The following MTFR1 variants were observed in gnomAD, a reference collection of about 807,000 sequenced individuals.
MTFR1 encodes chondrocyte protein with a poly-proline region.
Under a neutral mutation model 38.8 loss-of-function variants are expected in MTFR1, and 28 were observed. The ratio of observed to expected loss-of-function variants is 0.72; its 90% CI spans 0.53 to 0.99. The LOEUF is 0.99. Among genes scored for constraint, MTFR1 ranks in the 50% least tolerant of loss-of-function variants. The pLI is 0.00. For missense variants in MTFR1, 358 were observed against 395.5 expected, an observed-to-expected ratio of 0.91 and a Z score of 0.81; for synonymous variants, 145 against 137.0, an observed-to-expected ratio of 1.06 and a Z score of -0.41.
chr8:65,672,752 TTA>T (rs1412270673), intron 2 of MTFR1, among the ~76,000 whole-genome samples: 11 of 152,164 alleles, frequency 7.2e-5, no homozygotes, highest in African/African-American at 2.4e-4. Flanking sequence ...CACTTTTATG[TTA>T]TAGAGATGGC....
At chr8:65,764,681 C>T (rs999634478) in intron 3 of MTFR1, among the ~76,000 whole-genome samples, 8 of 152,148 alleles carry the variant, frequency 5.3e-5, no homozygotes, top group South Asian at 2.1e-4. Context: ...ACAATATAAT[C>T]AGTACGATAT....
At chr8:65,649,524 T>A (rs13259357) in intron 1 of MTFR1, among the ~76,000 whole-genome samples, 47,312 of 151,920 alleles carry the variant, frequency 0.31, 9,728 homozygotes, top group Non-Finnish European at 0.47. Context: ...ACATAATAGG[T>A]ATATGTATTT....
intron 3 of MTFR1, among the ~76,000 whole-genome samples, chr8:65,729,882 T>G (rs1180748704): frequency 6.6e-6 from 1 of 152,082 alleles, no homozygotes; most frequent in Non-Finnish European, 1.5e-5. Context: ...TGAAGACAGA[T>G]TCTTGACACA....
chr8:65,712,661 C>T (rs892188141), downstream of MTFR1, among the ~76,000 whole-genome samples: 3 of 152,138 alleles, frequency 2.0e-5, no homozygotes, highest in African/African-American at 4.8e-5. Context: ...TGCCTAAGGA[C>T]CCAAACCTAG....
At chr8:65,766,096 C>T (rs1808767684) in intron 3 of MTFR1, among the ~76,000 whole-genome samples, 1 of 152,140 alleles carries the variant, frequency 6.6e-6, no homozygotes, top group Admixed American at 6.5e-5. Context: ...CAGGCGCCCG[C>T]CACCACGCCC....
rs959803483 is a variant in MTFR1, at chr8:65,651,707, G to A, written c.-81+6923G>A. Among the ~76,000 whole-genome samples, 14 of 152,172 alleles carry A rather than the reference G, an allele frequency of 9.2e-5. No homozygotes were observed. In the Middle Eastern group the frequency reaches 0.01, roughly 111 times the overall value. On this transcript the variant is annotated intron_variant, in intron 1 of 7. Coordinates refer to ENST00000262146, the MANE Select transcript of MTFR1 (RefSeq NM_014637.4). ...ATGTTGTCTCGGTTACTATAGCCCT[G>A]TAGTATAATTTGAAGTCCAGTTTTT...
intron 1 of MTFR1, among the ~76,000 whole-genome samples, chr8:65,650,011 G>A (rs906514582): frequency 6.6e-6 from 1 of 150,634 alleles, no homozygotes; most frequent in Non-Finnish European, 1.5e-5. Context: ...GCTGATTTTT[G>A]TATTTTTAGT....
At chr8:65,767,396 G>T (rs1167856895) in intron 3 of MTFR1, among the ~76,000 whole-genome samples, 1 of 152,202 alleles carries the variant, frequency 6.6e-6, no homozygotes, top group African/African-American at 2.4e-5. Flanking sequence ...TAATGGGAGT[G>T]TAGTATTATG....
intron 1 of MTFR1, among the ~76,000 whole-genome samples, chr8:65,655,070 T>A (rs1809219369): frequency 6.6e-6 from 1 of 152,214 alleles, no homozygotes; most frequent in South Asian, 2.1e-4. Flanking sequence ...GAATAGTGTT[T>A]TCAAAAGATT....
At chr8:65,767,565 A>T (rs567250068) in intron 3 of MTFR1, among the ~76,000 whole-genome samples, 1 of 152,148 alleles carries the variant, frequency 6.6e-6, no homozygotes, top group South Asian at 2.1e-4. Flanking sequence ...GGCCTTTCTG[A>T]CTGTGAGTCT....
chr8:65,674,251 C>T (rs1804648366), intron 2 of MTFR1, among the ~76,000 whole-genome samples: 1 of 151,732 alleles, frequency 6.6e-6, no homozygotes, highest in Admixed American at 6.6e-5. Context: ...GAATTTGATA[C>T]TGTGCTTTAA....
downstream of MTFR1, chr8:65,714,292 G>C (rs577480159): frequency 5.3e-5 from 8 of 151,566 alleles, no homozygotes; most frequent in African/African-American, 1.7e-4. Context: ...TAATCTCTTA[G>C]TAATAAATCG....
chr8:65,760,443 G>C (rs1808434050), intron 3 of MTFR1, among the ~76,000 whole-genome samples: 1 of 152,078 alleles, frequency 6.6e-6, no homozygotes, highest in Non-Finnish European at 1.5e-5. Context: ...CAACCTAATA[G>C]ATTCCCTTAG....
chr8:65,679,645 A>G (rs917700271), intron 2 of MTFR1: 2 of 152,332 alleles, frequency 1.3e-5, no homozygotes, highest in Non-Finnish European at 2.9e-5. Context: ...ACATAATAGT[A>G]ATAAGGTAAA....
chr8:65,724,223 T>C (rs772141413), intron 3 of MTFR1: 3 of 1,341,002 alleles, frequency 2.2e-6, no homozygotes, highest in Non-Finnish European at 3.2e-6. Context: ...ATGAACTGGA[T>C]AGATTAATTA....
chr8:65,747,664 A>G (rs189521670), intron 3 of MTFR1: 25 of 1,608,196 alleles, frequency 1.6e-5, no homozygotes, highest in Middle Eastern at 1.7e-4. Flanking sequence ...TGGCTTGTCC[A>G]TTATAATCAT....
intron 1 of MTFR1, among the ~76,000 whole-genome samples, chr8:65,650,888 T>C (rs1809103758): frequency 6.6e-6 from 1 of 152,188 alleles, no homozygotes. Context: ...AACCGTTCTC[T>C]ATAGTGGTTG....
intron 2 of MTFR1, chr8:65,718,259 GCA>G (rs1362763371): frequency 1.3e-5 from 2 of 152,158 alleles, no homozygotes; most frequent in East Asian, 1.9e-4. Context: ...AACATAACAT[GCA>G]CAGTCACACA....
At chr8:65,718,284 C>G (rs1478077674) in intron 2 of MTFR1, 1 of 152,322 alleles carries the variant, frequency 6.6e-6, no homozygotes, top group Non-Finnish European at 1.5e-5. Flanking sequence ...CACAAACATG[C>G]ACGCAAACAC....
Sources: allele counts gnomAD v4.1 joint callset (sites outside exome capture counted in the v4.1 genomes callset), GRCh38; gene constraint gnomAD v4.1.1; transcripts MANE v1.5; gene names NCBI Gene and HGNC (gene_info 2026-07-23, HGNC 2026-07-21).